Variants in IMPG2 observed in about 807,000 individuals in gnomAD.
IMPG2 encodes the protein interphotoreceptor matrix proteoglycan 2, also known as IPM 200.
In IMPG2, 91 loss-of-function variants were observed where a neutral mutation model predicts 129.2. The ratio of observed to expected loss-of-function variants is 0.70; its 90% CI spans 0.59 to 0.84. IMPG2 has a LOEUF of 0.84. Among genes scored for constraint, IMPG2 ranks in the 40% least tolerant of loss-of-function variants. The probability of loss-of-function intolerance (pLI) is 0.00; values close to 1 mark genes in which losing one functional copy is unlikely to be tolerated. For synonymous variants in IMPG2, 510 were observed against 517.7 expected (o/e 0.99, Z 0.20); for missense variants, 1,430 against 1,461.7 (o/e 0.98, Z 0.35).
intron 11 of IMPG2, among the ~76,000 whole-genome samples, chr3:101,252,766 G>T (rs1317146792): frequency 1.3e-5 from 2 of 152,044 alleles, no homozygotes; most frequent in African/African-American, 4.8e-5. Flanking sequence ...TAGAAGAAAT[G>T]GCTGCAGAGA....
Position 101,242,741 on chromosome 3 carries a change from G to A in IMPG2, c.2969C>T (p.Ala990Val), listed in dbSNP as rs1706423800. 6.2e-7 allele frequency: 1 copy of A among 1,613,942 alleles called. No individual in the cohort carries two copies. The highest frequency in any genetic ancestry group is 8.5e-7 in the Non-Finnish European group (1 of 1,179,900). The change falls in exon 14 of 19, where the codon GCC (alanine) becomes GTC (valine). Residue 990 changes from alanine (A) to valine (V), a missense_variant. By Grantham distance (64) the Ala-to-Val change is moderately conservative. Transcript: ENST00000193391. ...AATAGCCAAGTTCATGGTATTGTAG[G>A]CAGTGGTACAAAAGTCTTCCAGAAT... The part of the protein sequence containing the change: ...YMILEDFCTT[A>V]YNTMNLAIDK...
chr3:101,279,519 G>T (rs1706871715), intron 4 of IMPG2, among the ~76,000 whole-genome samples: 1 of 152,126 alleles, frequency 6.6e-6, no homozygotes, highest in East Asian at 1.9e-4. Flanking sequence ...TGACCTAAAA[G>T]TCAGTGTGTA....
chr3:101,248,123 G>T (rs1192069151), intron 11 of IMPG2, among the ~76,000 whole-genome samples: 2 of 152,252 alleles, frequency 1.3e-5, no homozygotes, highest in East Asian at 3.9e-4. Flanking sequence ...CCAAAACAAG[G>T]TGATATGGTT....
chr3:101,292,819 T>C (rs1048967256), intron 3 of IMPG2, among the ~76,000 whole-genome samples: 8 of 152,224 alleles, frequency 5.3e-5, no homozygotes, highest in Non-Finnish European at 8.8e-5. Flanking sequence ...TCCTTTATTG[T>C]CATTTCAATA....
chr3:101,299,004 G>A (rs980590007), intron 3 of IMPG2, among the ~76,000 whole-genome samples: 4 of 152,144 alleles, frequency 2.6e-5, no homozygotes, highest in African/African-American at 9.7e-5. Context: ...TTACAACTTG[G>A]TTCCTTTCTC....
intron 14 of IMPG2, among the ~76,000 whole-genome samples, chr3:101,233,719 A>G (rs893387579): frequency 3.9e-5 from 6 of 152,216 alleles, no homozygotes; most frequent in African/African-American, 1.4e-4. Context: ...CCATCCTGCC[A>G]CAGTTCCCAC....
At chr3:101,312,338 TAAC>T (rs1707271002) in intron 2 of IMPG2, among the ~76,000 whole-genome samples, 1 of 151,642 alleles carries the variant, frequency 6.6e-6, no homozygotes, top group Admixed American at 6.6e-5. Flanking sequence ...AAAAGACAAA[TAAC>T]ATAATTTAAA....
intron 3 of IMPG2, among the ~76,000 whole-genome samples, chr3:101,292,710 CA>C (rs1002627799): frequency 9.2e-5 from 14 of 152,180 alleles, no homozygotes; most frequent in Non-Finnish European, 1.5e-4. Context: ...ATATGTAATG[CA>C]GTTGATAACA....
chr3:101,248,172 C>T (rs1370444489), intron 11 of IMPG2, among the ~76,000 whole-genome samples: 2 of 152,136 alleles, frequency 1.3e-5, no homozygotes, highest in East Asian at 1.9e-4. Flanking sequence ...TGAATTTCCA[C>T]GTGTTGTGGG....
chr3:101,231,997 A>C (rs935916515), intron 15 of IMPG2, among the ~76,000 whole-genome samples: 1 of 152,164 alleles, frequency 6.6e-6, no homozygotes, highest in Non-Finnish European at 1.5e-5. Context: ...AAAGTTTTTA[A>C]ATGTTTGTCT....
In IMPG2 at chr3:101,243,531, A is replaced by G. The variant is rs764443272; in HGVS notation, c.2800T>C (p.Leu934=). ...YKALEQRFLE[L]LVPYLQSNLT... is the part of the protein sequence containing the mutation. ...CATGTTTCACTTTTTATGCTTACCA[A>G]TTCTAAGAATCTTTGCTCCAGGGCT... The change falls in exon 13 of 19, where the codon TTG becomes CTG. Residue 934 remains leucine, a splice_region_variant and synonymous_variant. Coordinates refer to ENST00000193391, the MANE Select transcript of IMPG2 (RefSeq NM_016247.4). The G allele has an allele frequency of 2.6e-5, 42 of 1,613,564 alleles. 1 individual carries two copies. Among genetic ancestry groups the G allele is most frequent in the South Asian group, 1.5e-4 (14 of 91,036 alleles).
At chr3:101,276,249 T>G (rs1227123926) in intron 5 of IMPG2, among the ~76,000 whole-genome samples, 2 of 152,210 alleles carry the variant, frequency 1.3e-5, no homozygotes, top group Non-Finnish European at 2.9e-5. Flanking sequence ...AGAAATATAC[T>G]GGGCAAAGGA....
rs140621379 is a variant in IMPG2 at position 101,231,054 on chromosome 3, C to T, written c.3325G>A (p.Val1109Met). Residue 1109 changes from valine (V) to methionine (M), a missense_variant, in exon 16 of 19, where the codon GTG becomes ATG. By Grantham distance (21) the Val-to-Met change is conservative. Coordinates refer to ENST00000193391, the MANE Select transcript of IMPG2 (RefSeq NM_016247.4). ...PVIIGITIAS[V>M]VGLLVIFSAI... is the part of the protein sequence containing the mutation. ...GAAAAGATGACAAGAAGTCCAACCA[C>T]GGAGGCAATAGTGATGCCTATGATC... 1.8e-5 allele frequency: 29 copies of T among 1,613,984 alleles called. No homozygotes were observed. Among genetic ancestry groups the T allele is most frequent in the East Asian group, 1.1e-4 (5 of 44,896 alleles).
chr3:101,239,922 G>C (rs1474626004), intron 14 of IMPG2, among the ~76,000 whole-genome samples: 1 of 152,144 alleles, frequency 6.6e-6, no homozygotes, highest in Admixed American at 6.5e-5. Flanking sequence ...CCTGTCAGGG[G>C]TGGAGTGCTA....
At chr3:101,232,498 A>G (rs1464966644) in intron 15 of IMPG2, among the ~76,000 whole-genome samples, 1 of 152,128 alleles carries the variant, frequency 6.6e-6, no homozygotes, top group Non-Finnish European at 1.5e-5. Context: ...TTGGCCTCCC[A>G]AAGTGCTGGG....
At chr3:101,289,686 G>A (rs536318001) in intron 4 of IMPG2, among the ~76,000 whole-genome samples, 4 of 151,960 alleles carry the variant, frequency 2.6e-5, no homozygotes, top group African/African-American at 9.7e-5. Context: ...AAGCAATGAG[G>A]AACTATTAAA....
rs776220285 is a variant in IMPG2 at position 101,244,581 on chromosome 3, G to C, written c.1750C>G (p.Pro584Ala). Residue 584 changes from proline (P) to alanine (A), a missense_variant, in exon 13 of 19, where the codon CCT becomes GCT. Coordinates refer to ENST00000193391, the MANE Select transcript of IMPG2 (RefSeq NM_016247.4). ...TCCATGGATGCATCTGGCAGGAAAGGGCTCACTTTTAATTGGTCTTTGACT... is the reference window on the plus strand; with the variant it reads ...TCCATGGATGCATCTGGCAGGAAAGCGCTCACTTTTAATTGGTCTTTGACT... ...SKVKDQLKVS[P>A]FLPDASMEKE... 19 of 1,594,118 alleles carry C rather than the reference G, an allele frequency of 1.2e-5. 1 individual carries two copies. In the South Asian group the frequency reaches 1.8e-4, roughly 15 times the overall value.
chr3:101,269,926 CTT>C (rs5851267), intron 7 of IMPG2, among the ~76,000 whole-genome samples: 294 of 106,936 alleles, frequency 2.7e-3, no homozygotes, highest in African/African-American at 9.3e-3. Context: ...TTATTTTATT[CTT>C]TTTTTTTTTT....
chr3:101,305,727 A>G (rs147288016), intron 2 of IMPG2, among the ~76,000 whole-genome samples: 67 of 152,290 alleles, frequency 4.4e-4, no homozygotes, highest in South Asian at 2.7e-3. Context: ...AATGATATTC[A>G]GGAGAAATAT....
Sources: gnomAD v4.1 joint callset for allele counts (sites outside exome capture counted in the v4.1 genomes callset) on GRCh38, gnomAD v4.1.1 for gene constraint, MANE v1.5 for transcripts, NCBI Gene and HGNC (gene_info 2026-07-23, HGNC 2026-07-21) for gene names.